Variants in GABRA5 observed in about 807,000 individuals in gnomAD.
The protein encoded by GABRA5 is gamma-aminobutyric acid receptor subunit alpha-5.
Under a neutral mutation model 47.3 loss-of-function variants are expected in GABRA5, and 18 were observed. The ratio of observed to expected loss-of-function variants is 0.38; its 90% confidence interval spans 0.26 to 0.56. GABRA5 has a LOEUF of 0.56. Among genes scored for constraint, GABRA5 ranks in the 20% least tolerant of loss-of-function variants. GABRA5 has a pLI of 0.71. For synonymous variants in GABRA5, 237 were observed against 229.3 expected (o/e 1.03, Z -0.30); for missense variants, 365 against 599.3 (o/e 0.61, Z 4.08).
At chr15:26,888,031 T>G (rs1369351591) in intron 6 of GABRA5, among the ~76,000 whole-genome samples, 1 of 152,212 alleles carries the variant, frequency 6.6e-6, no homozygotes, top group Non-Finnish European at 1.5e-5. Context: ...TTTAAATTAG[T>G]ATTCAGAGTT....
At chr15:26,886,442 G>A (rs1006998957) in intron 6 of GABRA5, among the ~76,000 whole-genome samples, 1 of 152,150 alleles carries the variant, frequency 6.6e-6, no homozygotes, top group Admixed American at 6.5e-5. Flanking sequence ...GAATGGGGCC[G>A]CCTACTGAGT....
intron 10 of GABRA5, among the ~76,000 whole-genome samples, chr15:26,947,575 G>A (rs1200102746): frequency 4.6e-5 from 7 of 152,146 alleles, no homozygotes; most frequent in Non-Finnish European, 8.8e-5. Flanking sequence ...CCATTCCATG[G>A]TGTATATGTA....
rs934740354 is a variant in GABRA5 at position 26,867,657 on chromosome 15, C to A, written c.-140+546C>A. Among the ~76,000 whole-genome samples the A allele has an allele frequency of 6.6e-6, 1 of 151,968 alleles. No homozygotes were observed. The highest frequency in any genetic ancestry group is 2.4e-5 in the African/African-American group (1 of 41,420). ...CGGACGGGGCACCAGGGCGCGGTGA[C>A]CGGTTGGGGGTGGGGGACACCCGTT... On this transcript the variant is annotated intron_variant, in intron 1 of 10. Coordinates refer to ENST00000335625, the MANE Select transcript of GABRA5 (RefSeq NM_000810.4). The surrounding 1 kb of genome is among the most constrained non-coding windows in gnomAD (Gnocchi z 5.9).
rs1436475192 is a variant in GABRA5 at position 26,881,057 on chromosome 15, T to C, written c.208+90T>C. The C allele has an allele frequency of 7.1e-6, 10 of 1,401,238 alleles. No homozygotes were observed. In the Admixed American group the frequency reaches 2.6e-4, roughly 36 times the overall value. The allele number at this position is 1,401,238 out of a possible 1,614,324, so 86.8% of individuals were successfully genotyped here. A position where few individuals can be genotyped will look rare whatever the true frequency, so the allele number is the denominator to read the frequency against. ...CTTGTGTTTGCGCTGATTCAAACAA[T>C]TCCTAAAAGAGCTTCCCTGCCAGGA... is the stretch of plus-strand genomic sequence containing the variant. On this transcript the variant is annotated intron_variant, in intron 4 of 10. Transcript: ENST00000335625.
rs1467082872 is a variant in GABRA5 at position 26,937,051 on chromosome 15, A to AT, written c.581-128dup. The AT allele has an allele frequency of 3.7e-6, 4 of 1,088,418 alleles. No homozygotes were observed. In the African/African-American group the frequency reaches 4.7e-5, roughly 13 times the overall value. 67.4% of individuals were successfully genotyped at this position (1,088,418 alleles called of 1,614,324 possible). ...CTGCCCTGGTCCAACCACCCTATGC[A>AT]TTTTTTAGGTCATGGAACCTTGACT... On this transcript the variant is annotated intron_variant, in intron 7 of 10. Coordinates refer to ENST00000335625, the MANE Select transcript of GABRA5 (RefSeq NM_000810.4).
At chr15:26,880,024 T>C (rs1472866648) in intron 3 of GABRA5, among the ~76,000 whole-genome samples, 1 of 152,194 alleles carries the variant, frequency 6.6e-6, no homozygotes, top group East Asian at 1.9e-4. Context: ...TCTTCAGCTG[T>C]GGGGCTGTCT....
rs1024785912 is a variant in GABRA5, at chr15:26,867,990, C to G, written c.-139-739C>G. 6.6e-6 allele frequency: 1 copy of G among 152,036 alleles called. No individual in the cohort carries two copies. Among genetic ancestry groups the G allele is most frequent in the African/African-American group, 2.4e-5 (1 of 41,434 alleles). The allele number at this position is 152,036 out of a possible 1,614,324, so 9.4% of individuals were successfully genotyped here. The stretch of plus-strand genomic sequence containing the variant: ...GGAGGGCCGGGGAGCTGGAGACCCT[C>G]GGCGTGCCGCTGCGGACCGCGCGGG... On this transcript the variant is annotated intron_variant, in intron 1 of 10. Transcript: ENST00000335625. The surrounding 1 kb of genome is among the most constrained non-coding windows in gnomAD (Gnocchi z 5.9).
intron 3 of GABRA5, among the ~76,000 whole-genome samples, chr15:26,870,961 C>CG (rs35437973): frequency 5.9e-5 from 9 of 152,082 alleles, no homozygotes; most frequent in Non-Finnish European, 5.9e-5. Flanking sequence ...GGAGGCCAAG[C>CG]GGGGGGCGGA....
At chr15:26,890,017 A>G in intron 6 of GABRA5, among the ~76,000 whole-genome samples, 1 of 152,210 alleles carries the variant, frequency 6.6e-6, no homozygotes, top group East Asian at 1.9e-4. Context: ...AACATTTCCC[A>G]TGTCATTAAA....
chr15:26,911,441 A>G (rs1359757995), intron 6 of GABRA5, among the ~76,000 whole-genome samples: 1 of 150,348 alleles, frequency 6.7e-6, no homozygotes, highest in Non-Finnish European at 1.5e-5. Context: ...GCTCCTTGGT[A>G]TGCATTCCTT....
At chr15:26,944,802 T>C (rs1232866981) in intron 10 of GABRA5, among the ~76,000 whole-genome samples, 3 of 152,040 alleles carry the variant, frequency 2.0e-5, no homozygotes, top group Non-Finnish European at 4.4e-5. Context: ...GCATGATGGA[T>C]AGTGGGCTGG....
At chr15:26,922,370 A>G (rs1175961714) in intron 7 of GABRA5, among the ~76,000 whole-genome samples, 1 of 152,164 alleles carries the variant, frequency 6.6e-6, no homozygotes, top group Non-Finnish European at 1.5e-5. Context: ...ACATAACTTG[A>G]TATCAATGTG....
chr15:26,869,932 C>T (rs539516808), intron 3 of GABRA5, among the ~76,000 whole-genome samples: 5 of 152,214 alleles, frequency 3.3e-5, no homozygotes, highest in Non-Finnish European at 5.9e-5. Context: ...TCATTTTAGC[C>T]TTTAGTATCC....
chr15:26,881,401 AATGCAGTCATCCTTT>A (rs1276959276), intron 4 of GABRA5, among the ~76,000 whole-genome samples: 1 of 152,198 alleles, frequency 6.6e-6, no homozygotes. Context: ...TCCACTGTGG[AATGCAGTCATCCTTT>A]ATATCTTTAT....
chr15:26,893,278 TA>T (rs1893065933), intron 6 of GABRA5, among the ~76,000 whole-genome samples: 1 of 47,026 alleles, frequency 2.1e-5, no homozygotes, highest in African/African-American at 7.3e-5. Flanking sequence ...GGTGTGTGTG[TA>T]TGGCATATGG....
chr15:26,890,193 A>G (rs1207539523), intron 6 of GABRA5, among the ~76,000 whole-genome samples: 1 of 152,212 alleles, frequency 6.6e-6, no homozygotes, highest in African/African-American at 2.4e-5. Context: ...GAATTGGACA[A>G]AACATAAATT....
intron 7 of GABRA5, among the ~76,000 whole-genome samples, chr15:26,918,514 T>C (rs1403178388): frequency 1.3e-5 from 2 of 152,216 alleles, no homozygotes; most frequent in East Asian, 3.8e-4. Flanking sequence ...GTTGATGTTC[T>C]GTCTGGTTGT....
chr15:26,897,119 A>T (rs9745027), intron 6 of GABRA5, among the ~76,000 whole-genome samples: 1 of 151,870 alleles, frequency 6.6e-6, no homozygotes, highest in East Asian at 1.9e-4. Context: ...GCCATTATAG[A>T]GAATACATGA....
chr15:26,948,331 C>T lies in GABRA5; in HGVS notation c.*98C>T. On this transcript the variant is annotated 3_prime_UTR_variant, in exon 11 of 11. Coordinates refer to ENST00000335625, the MANE Select transcript of GABRA5 (RefSeq NM_000810.4). ...GGGACTCTCCATATGTGAGCACTAT[C>T]TTTCAGGAAATTTTTGCATGTTTAA... The T allele has an allele frequency of 2.6e-6, 3 of 1,175,048 alleles. No individual in the cohort carries two copies. Among genetic ancestry groups the T allele is most frequent in the Non-Finnish European group, 3.6e-6 (3 of 844,962 alleles). 72.8% of individuals were successfully genotyped at this position (1,175,048 alleles called of 1,614,324 possible).
Sources: allele counts gnomAD v4.1 joint callset (sites outside exome capture counted in the v4.1 genomes callset), GRCh38; gene constraint gnomAD v4.1.1; non-coding constraint Gnocchi (gnomAD v3.1); transcripts MANE v1.5; gene names NCBI Gene and HGNC (gene_info 2026-07-23, HGNC 2026-07-21).